ZNF367: variants seen among roughly 807,000 people sequenced by gnomAD.
ZNF367 encodes the protein zinc finger protein 367, also known as C2H2 zinc finger protein ZFF29.
A neutral mutation model predicts 31.8 loss-of-function variants in ZNF367; 11 were observed. The ratio of observed to expected loss-of-function variants is 0.35; its 90% CI spans 0.22 to 0.57. The LOEUF is 0.57. Among genes scored for constraint, ZNF367 ranks in the 20% least tolerant of loss-of-function variants. The probability of loss-of-function intolerance (pLI) is 0.85; values close to 1 mark genes in which losing one functional copy is unlikely to be tolerated. For synonymous variants in ZNF367, 199 were observed against 202.4 expected, an observed-to-expected ratio of 0.98 and a Z score of 0.14; for missense variants, 353 against 484.1, an observed-to-expected ratio of 0.73 and a Z score of 2.54.
At chr9:96,395,404 C>T (rs1368670628) in intron 2 of ZNF367, among the ~76,000 whole-genome samples, 1 of 152,088 alleles carries the variant, frequency 6.6e-6, no homozygotes, top group Non-Finnish European at 1.5e-5. Flanking sequence ...CCAACTAGCT[C>T]CTGAACCACC....
intron 1 of ZNF367, among the ~76,000 whole-genome samples, chr9:96,410,672 G>A (rs1055403219): frequency 2.7e-5 from 4 of 146,578 alleles, no homozygotes; most frequent in Non-Finnish European, 3.0e-5. Context: ...TCAACAGATC[G>A]AGACCATCCT....
At chr9:96,410,561 CA>C (rs35609930) in intron 1 of ZNF367, among the ~76,000 whole-genome samples, 22,321 of 69,476 alleles carry the variant, frequency 0.32, 2,605 homozygotes, top group African/African-American at 0.53. Flanking sequence ...GACTCCGTCT[CA>C]AAAAAAAAAA....
intron 1 of ZNF367, among the ~76,000 whole-genome samples, chr9:96,398,720 C>T (rs1458414234): frequency 1.3e-5 from 2 of 152,174 alleles, no homozygotes; most frequent in East Asian, 1.9e-4. Flanking sequence ...AGTAGAAAAG[C>T]TTTGCAGCAT....
chr9:96,416,920 A>G (rs972634107), intron 1 of ZNF367, among the ~76,000 whole-genome samples: 2 of 152,174 alleles, frequency 1.3e-5, no homozygotes, highest in Admixed American at 1.3e-4. Flanking sequence ...TCCACTACTG[A>G]GCTGTGCCAT....
rs1347403476 is a variant in ZNF367, at chr9:96,392,421, C to T, written c.807G>A (p.Lys269=). The change falls in exon 4 of 5, where the codon AAG becomes AAA. Residue 269 remains lysine (K), a synonymous_variant. Coordinates refer to ENST00000375256, the MANE Select transcript of ZNF367 (RefSeq NM_153695.4). ...TLSKHQAADN[K]AAAEWLARYW... ...ACCTCGCCAGCCACTCGGCCGCGGC[C>T]TTGTTGTCGGCAGCCTGATGTTTGC... The T allele has an allele frequency of 5.0e-6, 8 of 1,614,120 alleles. No individual in the cohort carries two copies. The highest frequency in any genetic ancestry group is 1.6e-4 in the Middle Eastern group (1 of 6,084).
Position 96,394,929 on chromosome 9 carries a change from A to G in ZNF367, c.585T>C (p.Tyr195=), listed in dbSNP as rs1230202641. The G allele has an allele frequency of 6.2e-7, 1 of 1,614,048 alleles. No homozygotes were observed. Residue 195 remains tyrosine (Y), a synonymous_variant, in exon 3 of 5, where the codon TAT becomes TAC. Transcript: ENST00000375256. The part of the protein sequence containing the change: ...HKRTHTGERP[Y]LCDYPDCGKA... The stretch of plus-strand genomic sequence containing the variant: ...TTCCACAGTCTGGATAGTCACACAG[A>G]TAGGGCCTCTCACCTAAGTAGACAG...
chr9:96,388,495 A>G (rs1831431204), intron 4 of ZNF367, 36 bp from the exon 5 acceptor site: 1 of 1,563,240 alleles, frequency 6.4e-7, no homozygotes, highest in East Asian at 2.2e-5. Flanking sequence ...TACATGGCAG[A>G]CATGAAATTT....
chr9:96,411,715 C>T (rs535031882), intron 1 of ZNF367, among the ~76,000 whole-genome samples: 3 of 152,228 alleles, frequency 2.0e-5, no homozygotes, highest in African/African-American at 7.2e-5. Context: ...ACCAGCAACA[C>T]ATTTATATTT....
At chr9:96,392,200 A>T (rs936921216) in intron 4 of ZNF367, 198 bp downstream of exon 4, 2 of 710,408 alleles carry the variant, frequency 2.8e-6, no homozygotes, top group Admixed American at 5.7e-5. Context: ...ATTATATTGT[A>T]ATTTTCTATC....
At position 96,405,570 on chromosome 9, in the gene ZNF367, T is replaced by TAC. The variant is rs1831662710; in HGVS notation, c.421-7258_421-7257dup. ...GTTTTGTATCGATATCATATATATA[T>TAC]ACATATACATACACAATGGAATATG... On this transcript the variant is annotated intron_variant, in intron 1 of 4. Transcript: ENST00000375256. Among the ~76,000 whole-genome samples, 3 of 152,116 alleles carry TAC rather than the reference T, an allele frequency of 2.0e-5. No individual in the cohort carries two copies. The South Asian group carries it at 6.2e-4, about 31-fold the overall frequency.
chr9:96,414,758 G>C (rs1440955667), intron 1 of ZNF367, among the ~76,000 whole-genome samples: 1 of 152,160 alleles, frequency 6.6e-6, no homozygotes. Flanking sequence ...TTACAGGCGT[G>C]AGCCTCCGCG....
At chr9:96,395,002 T>G in intron 2 of ZNF367, 60 bp from the exon 3 acceptor site, 1 of 1,581,828 alleles carries the variant, frequency 6.3e-7, no homozygotes, top group Non-Finnish European at 8.7e-7. Flanking sequence ...AGGAGGGGGA[T>G]GGGGAGAGAA....
In ZNF367 at chr9:96,417,446, G is replaced by A. The variant is rs1358542026; in HGVS notation, c.420+167C>T. ...GCCTGTCACGTGACAGGCCCCCCCC[G>A]ACTGGGGCCGGTTTTTGGCGCGCGG... On this transcript the variant is annotated intron_variant, in intron 1 of 4. Coordinates refer to ENST00000375256, the MANE Select transcript of ZNF367 (RefSeq NM_153695.4). This position sits in a 1 kb window ranked among gnomAD's most constrained non-coding sequence, Gnocchi z 5.0. Among the ~76,000 whole-genome samples the A allele has an allele frequency of 1.7e-5, 2 of 115,962 alleles. No homozygotes were observed. 76.1% of individuals were successfully genotyped at this position (115,962 alleles called of 152,430 possible). A position where few individuals can be genotyped will look rare whatever the true frequency, so the allele number is the denominator to read the frequency against.
At position 96,417,552 on chromosome 9, in the gene ZNF367, G is replaced by T. The variant is rs1479140744; in HGVS notation, c.420+61C>A. 3.1e-6 allele frequency: 1 copy of T among 322,382 alleles called. No individual in the cohort carries two copies. Among genetic ancestry groups the T allele is most frequent in the Non-Finnish European group, 5.5e-6 (1 of 181,132 alleles). The allele number at this position is 322,382 out of a possible 1,614,324, so 20.0% of individuals were successfully genotyped here. On this transcript the variant is annotated intron_variant, in intron 1 of 4. Transcript: ENST00000375256. The surrounding 1 kb of genome is among the most constrained non-coding windows in gnomAD (Gnocchi z 5.0). ...CGTTTTCAACTCCGCCCCGCCCGCC[G>T]CACCGTTAACGGGCCCCGGCTGCCC...
chr9:96,392,405 G>C lies in ZNF367; in HGVS notation c.823C>G (p.Leu275Val). The C allele has an allele frequency of 6.2e-7, 1 of 1,614,216 alleles. No individual in the cohort carries two copies. The highest frequency in any genetic ancestry group is 8.5e-7 in the Non-Finnish European group (1 of 1,180,040). The stretch of plus-strand genomic sequence containing the variant: ...AAAGGCAGCATTCCTGACCTCGCCA[G>C]CCACTCGGCCGCGGCCTTGTTGTCG... ...AADNKAAAEW[L>V]ARYWEMREQR... Residue 275 changes from leucine (L) to valine (V), a missense_variant, in exon 4 of 5, where the codon CTG (leucine) becomes GTG (valine). This residue lies in a region of ZNF367 where 101 missense variants were observed against 140.0 expected (regional missense o/e 0.72). Transcript: ENST00000375256.
Position 96,408,967 on chromosome 9 carries a change from G to T in ZNF367, c.420+8646C>A, listed in dbSNP as rs1831706895. Among the ~76,000 whole-genome samples the T allele has an allele frequency of 3.3e-5, 5 of 152,182 alleles. No individual in the cohort carries two copies. In the South Asian group the frequency reaches 1.0e-3, roughly 32 times the overall value. On this transcript the variant is annotated intron_variant, in intron 1 of 4. Transcript: ENST00000375256. ...TGAAATTTGATCCCCAGTATTGGAG[G>T]CGGAGCCTAGTGGAACGTGTCTGGG... is the stretch of plus-strand genomic sequence containing the variant.
intron 1 of ZNF367, chr9:96,407,776 T>TA (rs1831689269): frequency 7.5e-7 from 1 of 1,340,282 alleles, no homozygotes; most frequent in East Asian, 2.3e-5. Flanking sequence ...ACCACCTAAA[T>TA]ATGAAAGATT....
intron 1 of ZNF367, among the ~76,000 whole-genome samples, chr9:96,416,663 C>CT (rs1207304960): frequency 6.6e-6 from 1 of 152,202 alleles, no homozygotes; most frequent in East Asian, 1.9e-4. Context: ...TATACAGCCA[C>CT]TTAACAAATG....
intron 1 of ZNF367, 46 bp from the exon 2 acceptor site, chr9:96,398,360 C>A: frequency 6.6e-7 from 1 of 1,523,060 alleles, no homozygotes; most frequent in African/African-American, 1.4e-5. Flanking sequence ...TTTAACGCTA[C>A]TCATTAAAGC....
Sources: gnomAD v4.1 joint callset for allele counts (sites outside exome capture counted in the v4.1 genomes callset) on GRCh38, gnomAD v4.1.1 for gene constraint, gnomAD v4.1.1 regional missense constraint, Gnocchi (gnomAD v3.1) non-coding constraint, MANE v1.5 for transcripts, NCBI Gene and HGNC (gene_info 2026-07-23, HGNC 2026-07-21) for gene names.